The following SGTB variants were observed in gnomAD, a reference collection of about 807,000 sequenced individuals.
The protein encoded by SGTB is small glutamine rich tetratricopeptide repeat co-chaperone beta.
In SGTB, 19 loss-of-function variants were observed where a neutral mutation model predicts 43.9. That is an observed-to-expected ratio of 0.43 (90% CI 0.30 to 0.63). SGTB has a LOEUF of 0.63. Among genes scored for constraint, SGTB ranks in the 30% least tolerant of loss-of-function variants. The pLI is 0.12. For synonymous variants in SGTB, 116 were observed against 117.3 expected, an observed-to-expected ratio of 0.99 and a Z score of 0.07; for missense variants, 304 against 358.9, an observed-to-expected ratio of 0.85 and a Z score of 1.24.
chr5:65,709,434 A>C (rs1033967014), intron 3 of SGTB, among the ~76,000 whole-genome samples: 4 of 149,710 alleles, frequency 2.7e-5, no homozygotes, highest in Non-Finnish European at 5.9e-5. Context: ...GCTGAAGTGC[A>C]GTGGCATGAT....
chr5:65,678,942 CATG>C (rs1757335917), intron 8 of SGTB, among the ~76,000 whole-genome samples: 1 of 152,136 alleles, frequency 6.6e-6, no homozygotes, highest in Admixed American at 6.6e-5. Flanking sequence ...GCAAAGATTT[CATG>C]ATGAAGATGC....
intron 5 of SGTB, among the ~76,000 whole-genome samples, chr5:65,696,083 G>A (rs76086352): frequency 0.015 from 2,289 of 152,278 alleles, 51 homozygotes; most frequent in African/African-American, 0.053. Flanking sequence ...ACACGGCTAC[G>A]TGCTGTCACT....
At chr5:65,719,991 T>A (rs1490718834) in intron 2 of SGTB, among the ~76,000 whole-genome samples, 1 of 152,130 alleles carries the variant, frequency 6.6e-6, no homozygotes, top group East Asian at 1.9e-4. Flanking sequence ...GACAACAAGA[T>A]CTTCAGAGTA....
intron 3 of SGTB, among the ~76,000 whole-genome samples, chr5:65,709,559 C>T (rs546258468): frequency 1.6e-4 from 24 of 151,878 alleles, no homozygotes; most frequent in African/African-American, 3.6e-4. Flanking sequence ...TTGTATTTTT[C>T]GTAAAGATGG....
chr5:65,722,166 C>CT, upstream of SGTB: 1 of 243,554 alleles, frequency 4.1e-6, no homozygotes, highest in Non-Finnish European at 7.7e-6. Context: ...GGGCCAGACA[C>CT]GCGAGCTGGG....
rs1007007561 is a variant in SGTB, at chr5:65,722,085, T to A, written c.-191A>T. On this transcript the variant is annotated 5_prime_UTR_variant, in exon 1 of 11. Coordinates refer to ENST00000381007, the MANE Select transcript of SGTB (RefSeq NM_019072.3). ...GTAGACCCCAGAACCCACCAGGCTGTGCTCTCTCTCAGGCGGCAGGGTCTG... is the reference window on the plus strand; with the variant it reads ...GTAGACCCCAGAACCCACCAGGCTGAGCTCTCTCTCAGGCGGCAGGGTCTG... The A allele has an allele frequency of 4.2e-5, 7 of 167,030 alleles. No homozygotes were observed. Among genetic ancestry groups the A allele is most frequent in the Non-Finnish European group, 7.7e-5 (6 of 78,188 alleles). 10.3% of individuals were successfully genotyped at this position (167,030 alleles called of 1,614,324 possible). A position where few individuals can be genotyped will look rare whatever the true frequency, so the allele number is the denominator to read the frequency against.
upstream of SGTB, chr5:65,722,404 A>G: frequency 6.3e-7 from 1 of 1,590,644 alleles, no homozygotes; most frequent in Non-Finnish European, 8.5e-7. Flanking sequence ...GGCTGTGCGA[A>G]GCCTCCGCAG....
chr5:65,713,008 C>T lies in SGTB; in HGVS notation c.157G>A (p.Ala53Thr). ...FKISPEDTHL[A>T]VSQPLTEMFT... The stretch of plus-strand genomic sequence containing the variant: ...ATTTCTGTCAAAGGCTGTGAAACTG[C>T]TAGGTGTGTATCTTCTGGGCTGATC... Residue 53 changes from alanine to threonine, a missense_variant, in exon 3 of 11, where the codon GCA becomes ACA. Coordinates refer to ENST00000381007, the MANE Select transcript of SGTB (RefSeq NM_019072.3). The T allele has an allele frequency of 6.2e-7, 1 of 1,613,756 alleles. No homozygotes were observed. Among genetic ancestry groups the T allele is most frequent in the Non-Finnish European group, 8.5e-7 (1 of 1,179,872 alleles).
chr5:65,722,277 C>G, upstream of SGTB: 1 of 936,386 alleles, frequency 1.1e-6, no homozygotes, highest in Non-Finnish European at 1.5e-6. Flanking sequence ...GCGGCTAGGC[C>G]GGCTCGAGAC....
intron 2 of SGTB, 88 bp from the exon 3 acceptor site, chr5:65,713,152 A>C: frequency 1.1e-6 from 1 of 901,172 alleles, no homozygotes; most frequent in East Asian, 2.6e-5. Flanking sequence ...CAATGTATGG[A>C]AATTCAGTAT....
chr5:65,680,043 C>T (rs932126081), intron 8 of SGTB, among the ~76,000 whole-genome samples: 2 of 152,162 alleles, frequency 1.3e-5, no homozygotes, highest in African/African-American at 4.8e-5. Context: ...GGCCATTTTA[C>T]CATTTTACTT....
At chr5:65,718,269 A>C (rs1758188243) in intron 2 of SGTB, among the ~76,000 whole-genome samples, 2 of 152,184 alleles carry the variant, frequency 1.3e-5, no homozygotes, top group African/African-American at 4.8e-5. Flanking sequence ...CCTACTCACT[A>C]GATGCCAATA....
At position 65,666,164 on chromosome 5, in the gene SGTB, T is replaced by A. The variant is rs986615578; in HGVS notation, c.*4082A>T. The A allele has an allele frequency of 1.3e-5, 2 of 152,586 alleles. No homozygotes were observed. The highest frequency in any genetic ancestry group is 2.9e-5 in the Non-Finnish European group (2 of 67,996). The allele number at this position is 152,586 out of a possible 1,614,324, so 9.5% of individuals were successfully genotyped here. On this transcript the variant is annotated 3_prime_UTR_variant, in exon 11 of 11. Transcript: ENST00000381007. Reference sequence around the variant, plus strand: ...GGATACTTGGATTGTTTTTCAAGCATCTTCTTATGACTAAATCTTCTGTTT... The same window carrying A: ...GGATACTTGGATTGTTTTTCAAGCAACTTCTTATGACTAAATCTTCTGTTT...
At chr5:65,722,277 C>T (rs1758321699), upstream of SGTB, 7 of 936,382 alleles carry the variant, frequency 7.5e-6, no homozygotes, top group Non-Finnish European at 1.1e-5. Flanking sequence ...GCGGCTAGGC[C>T]GGCTCGAGAC....
chr5:65,721,227 C>T (rs531241173), intron 1 of SGTB, among the ~76,000 whole-genome samples: 3 of 152,320 alleles, frequency 2.0e-5, no homozygotes, highest in African/African-American at 7.2e-5. Context: ...TCCTCTTTTT[C>T]ATGGGATCTA....
intron 5 of SGTB, among the ~76,000 whole-genome samples, chr5:65,690,007 G>GT (rs1304798083): frequency 1.3e-5 from 2 of 149,930 alleles, no homozygotes; most frequent in East Asian, 2.0e-4. Flanking sequence ...TCAATACAAA[G>GT]TAACAGCAGG....
chr5:65,680,936 G>A (rs1978468), intron 6 of SGTB, 142 bp from the exon 7 acceptor site: 249,157 of 901,724 alleles, frequency 0.28, 35,393 homozygotes, highest in South Asian at 0.41. Context: ...TATGGCTCAC[G>A]GGAGCAAAAT....
At chr5:65,692,181 T>C (rs1415833035) in intron 5 of SGTB, among the ~76,000 whole-genome samples, 1 of 152,050 alleles carries the variant, frequency 6.6e-6, no homozygotes, top group South Asian at 2.1e-4. Context: ...TATAGAAATA[T>C]GTGAGGAAAT....
chr5:65,720,591 T>C (rs1177848832), intron 2 of SGTB, 117 bp downstream of exon 2: 2 of 1,257,786 alleles, frequency 1.6e-6, no homozygotes, highest in Non-Finnish European at 2.1e-6. Context: ...GCCTCTCCTC[T>C]TGAAAGATCA....
Sources: allele counts gnomAD v4.1 joint callset (sites outside exome capture counted in the v4.1 genomes callset), GRCh38; gene constraint gnomAD v4.1.1; transcripts MANE v1.5; gene names NCBI Gene and HGNC (gene_info 2026-07-23, HGNC 2026-07-21).